TRIM14: variants seen among roughly 807,000 people sequenced by gnomAD.
The protein encoded by TRIM14 is tripartite motif containing 14.
TRIM14 carries 28 observed loss-of-function variants against 44.5 expected under a neutral mutation model. The observed-to-expected ratio is 0.63, with a 90% CI of 0.47 to 0.86. The LOEUF (loss-of-function observed/expected upper bound fraction) is 0.86. TRIM14 is among the 40% of genes least tolerant of loss of function. The pLI, the probability that TRIM14 is intolerant of heterozygous loss-of-function variation, is 0.00. For missense variants in TRIM14, 607 were observed against 611.1 expected, an observed-to-expected ratio of 0.99 and a Z score of 0.07; for synonymous variants, 299 against 269.2, an observed-to-expected ratio of 1.11 and a Z score of -1.08.
the TRIM14 span, among the ~76,000 whole-genome samples, chr9:98,036,129 G>A: frequency 2.0e-5 from 3 of 151,186 alleles, no homozygotes; most frequent in East Asian, 2.0e-4. Context: ...CCCAGGAAGC[G>A]GAGGTTGCAG....
At chr9:98,099,018 A>T (rs1826289957) in intron 3 of TRIM14, among the ~76,000 whole-genome samples, 1 of 152,096 alleles carries the variant, frequency 6.6e-6, no homozygotes, top group Non-Finnish European at 1.5e-5. Context: ...GTGATCTGCC[A>T]CAGGGGCTAT....
In TRIM14 at chr9:98,073,536, G is replaced by C. The variant is rs1829446153; in HGVS notation, c.*29-3849C>G. 1.3e-5 allele frequency among the ~76,000 whole-genome samples: 2 copies of C among 151,126 alleles called. 1 individual carries two copies. Among genetic ancestry groups the C allele is most frequent in the South Asian group, 4.2e-4 (2 of 4,810 alleles). On this transcript the variant is annotated intron_variant, in intron 6 of 6. Transcript: ENST00000375098. ...CTGACCTCGTGATCTGCCCGCCACG[G>C]CCTCCCAAAGTGCTGGGATTACAGG...
chr9:98,044,336 C>A, the TRIM14 span, among the ~76,000 whole-genome samples: 2 of 149,972 alleles, frequency 1.3e-5, no homozygotes, highest in African/African-American at 2.5e-5. Flanking sequence ...CCAGGGGCGC[C>A]TTTCAGCTAG....
chr9:98,072,819 CA>C (rs1829402970), intron 6 of TRIM14, among the ~76,000 whole-genome samples: 2 of 152,136 alleles, frequency 1.3e-5, no homozygotes, highest in African/African-American at 4.8e-5. Flanking sequence ...AAGTGGCTCC[CA>C]GTGTTTACCT....
Position 98,094,854 on chromosome 9 carries a change from CT to C in TRIM14, c.700+12del. On this transcript the variant is annotated intron_variant, in intron 4 of 5. Transcript: ENST00000341469. ...GGAGTTAAGGACACAAAGTTGGTCACTCGGCGACTTACTTTCCTTAAGGCGA... is the reference window on the plus strand; with the variant it reads ...GGAGTTAAGGACACAAAGTTGGTCACCGGCGACTTACTTTCCTTAAGGCGA... The C allele has an allele frequency of 6.2e-7, 1 of 1,611,906 alleles. No individual in the cohort carries two copies. The highest frequency in any genetic ancestry group is 1.3e-5 in the African/African-American group (1 of 75,038).
At position 98,077,009 on chromosome 9, in the gene TRIM14, C is replaced by G. The variant is rs771001954; in HGVS notation, c.*29-7322G>C. On this transcript the variant is annotated intron_variant, in intron 6 of 6. Transcript: ENST00000375098. ...AATTTTCCTTATCTGGAAAAGACAG[C>G]CAAAAAAGGTAAGTGTCTAATTTTT... 7 of 1,600,234 alleles carry G rather than the reference C, an allele frequency of 4.4e-6. No homozygotes were observed. The highest frequency in any genetic ancestry group is 5.1e-6 in the Non-Finnish European group (6 of 1,173,836).
chr9:98,067,295 T>G (rs1027046651), downstream of TRIM14, among the ~76,000 whole-genome samples: 1 of 152,226 alleles, frequency 6.6e-6, no homozygotes, highest in African/African-American at 2.4e-5. Context: ...CTGGGTCACC[T>G]GGTAACTCTA....
At chr9:98,110,812 G>A (rs990908578) in intron 1 of TRIM14, among the ~76,000 whole-genome samples, 1 of 148,174 alleles carries the variant, frequency 6.7e-6, no homozygotes, top group African/African-American at 2.6e-5. Flanking sequence ...TTCGAGACCA[G>A]CCTGGGCAAC....
the TRIM14 span, among the ~76,000 whole-genome samples, chr9:98,058,013 C>T: frequency 6.8e-6 from 1 of 147,010 alleles, no homozygotes; most frequent in Non-Finnish European, 1.5e-5. Flanking sequence ...ACCTCTGCCT[C>T]CCAGGCTTAA....
the TRIM14 span, among the ~76,000 whole-genome samples, chr9:98,056,160 A>G: frequency 6.6e-6 from 1 of 152,204 alleles, no homozygotes; most frequent in Non-Finnish European, 1.5e-5. Flanking sequence ...TGCCTCTCAT[A>G]TAATAGGAAC....
chr9:98,048,475 G>A, the TRIM14 span, among the ~76,000 whole-genome samples: 2 of 152,130 alleles, frequency 1.3e-5, no homozygotes, highest in Non-Finnish European at 2.9e-5. Context: ...TGTTGTGCGT[G>A]TGATGTTTAT....
the TRIM14 span, among the ~76,000 whole-genome samples, chr9:98,035,802 G>T: frequency 3.9e-5 from 6 of 152,164 alleles, no homozygotes; most frequent in Non-Finnish European, 8.8e-5. Context: ...CACCCAAGGG[G>T]CAGAATGTGG....
downstream of TRIM14, among the ~76,000 whole-genome samples, chr9:98,068,483 A>G (rs556153644): frequency 5.3e-5 from 8 of 151,790 alleles, no homozygotes; most frequent in South Asian, 1.0e-3. Context: ...TTAAACCACA[A>G]TGTGATATCA....
At chr9:98,112,715 T>C (rs1032096102) in intron 1 of TRIM14, among the ~76,000 whole-genome samples, 20 of 148,606 alleles carry the variant, frequency 1.3e-4, no homozygotes, top group Admixed American at 1.4e-4. Context: ...AGGAGATCAC[T>C]TGAATCTGGG....
chr9:98,041,695 T>G, the TRIM14 span, among the ~76,000 whole-genome samples: 1 of 151,700 alleles, frequency 6.6e-6, no homozygotes, highest in Non-Finnish European at 1.5e-5. Context: ...TTTCGTTTTT[T>G]TTTTTGAGAT....
chr9:98,097,542 G>A (rs891458867), intron 3 of TRIM14, among the ~76,000 whole-genome samples: 1 of 152,122 alleles, frequency 6.6e-6, no homozygotes, highest in Non-Finnish European at 1.5e-5. Flanking sequence ...GACATTTCTT[G>A]GACATAATTT....
At chr9:98,061,405 A>C in the TRIM14 span, 1 of 164,122 alleles carries the variant, frequency 6.1e-6, no homozygotes, top group Non-Finnish European at 1.3e-5. Flanking sequence ...TGAACCTGGG[A>C]GGTGGAGGTT....
At position 98,087,657 on chromosome 9, in the gene TRIM14, C is replaced by G; in HGVS notation, c.1142G>C (p.Arg381Pro). The change falls in exon 6 of 6, where the codon CGC becomes CCC. Residue 381 changes from arginine (R) to proline (P), a missense_variant. Physicochemically the swap from Arg to Pro is moderately radical, Grantham distance 103. Around this residue, in one of 3 missense-constraint regions of TRIM14, gnomAD observed 356 missense variants for 323.0 expected, o/e 1.10. Transcript: ENST00000341469. ...YWAFHDGQRS[R>P]LRPRDDLDRL... is the part of the protein sequence containing the mutation. ...GTCGAGGTCGTCGCGGGGCCGCAGG[C>G]GGCTGCGCTGGCCGTCGTGGAAGGC... 1 of 1,603,840 alleles carries G rather than the reference C, an allele frequency of 6.2e-7. No homozygotes were observed. The highest frequency in any genetic ancestry group is 8.5e-7 in the Non-Finnish European group (1 of 1,178,524).
At chr9:98,047,926 G>A in the TRIM14 span, among the ~76,000 whole-genome samples, 9 of 152,172 alleles carry the variant, frequency 5.9e-5, no homozygotes, top group South Asian at 4.2e-4. Flanking sequence ...TTAGCTGGGC[G>A]TGGTGGCACA....
Sources: gnomAD v4.1 joint callset for allele counts (sites outside exome capture counted in the v4.1 genomes callset) on GRCh38, gnomAD v4.1.1 for gene constraint, gnomAD v4.1.1 regional missense constraint, MANE v1.5 for transcripts, NCBI Gene and HGNC (gene_info 2026-07-23, HGNC 2026-07-21) for gene names.